AMPD3: variants seen among roughly 807,000 people sequenced by gnomAD.
AMPD3 encodes the protein adenosine monophosphate deaminase 3, also known as AMP deaminase 3.
In AMPD3, 57 loss-of-function variants were observed where a neutral mutation model predicts 82.3. The ratio of observed to expected loss-of-function variants is 0.69; its 90% CI spans 0.56 to 0.86. The LOEUF is 0.86. Among genes scored for constraint, AMPD3 ranks in the 40% least tolerant of loss-of-function variants. AMPD3 has a pLI of 0.00. For synonymous variants in AMPD3, 381 were observed against 394.7 expected (o/e 0.97, Z 0.41); for missense variants, 870 against 1,003.8 (o/e 0.87, Z 1.80).
intron 2 of AMPD3, among the ~76,000 whole-genome samples, chr11:10,473,979 G>T (rs1335901977): frequency 1.3e-5 from 2 of 152,240 alleles, no homozygotes; most frequent in Admixed American, 6.5e-5. Context: ...CTGAGTGTGC[G>T]TGGGGGAGGA....
At chr11:10,452,351 A>G (rs966429606), upstream of AMPD3, among the ~76,000 whole-genome samples, 2 of 152,062 alleles carry the variant, frequency 1.3e-5, no homozygotes, top group Admixed American at 6.5e-5. Context: ...TCCACCAAGT[A>G]TAATAATCTC....
chr11:10,487,553 GC>G (rs1849111172), intron 6 of AMPD3, among the ~76,000 whole-genome samples, 189 bp downstream of exon 6: 1 of 152,214 alleles, frequency 6.6e-6, no homozygotes, highest in Non-Finnish European at 1.5e-5. Context: ...TTTGTGTCAG[GC>G]TGGGCCTCAG....
Position 10,485,072 on chromosome 11 carries a change from G to A in AMPD3, c.809+33G>A, listed in dbSNP as rs565443637. Reference sequence around the variant, plus strand: ...AGCTTCTCCGCGGCTGCCTGTCTTTGCACAGGTGCTGTTCTGTAGGAAGGA... The same window carrying A: ...AGCTTCTCCGCGGCTGCCTGTCTTTACACAGGTGCTGTTCTGTAGGAAGGA... On this transcript the variant is annotated intron_variant, in intron 5 of 14. Transcript: ENST00000396553. 1.8e-5 allele frequency: 29 copies of A among 1,584,546 alleles called. No individual in the cohort carries two copies. In the African/African-American group the frequency reaches 3.5e-4, roughly 19 times the overall value.
chr11:10,469,277 G>A (rs866032085), intron 2 of AMPD3, among the ~76,000 whole-genome samples: 5 of 150,420 alleles, frequency 3.3e-5, no homozygotes, highest in South Asian at 4.2e-4. Flanking sequence ...AAAGAGAGAA[G>A]AATCAAATAG....
At chr11:10,491,258 G>C (rs1327645606) in intron 6 of AMPD3, among the ~76,000 whole-genome samples, 1 of 152,220 alleles carries the variant, frequency 6.6e-6, no homozygotes, top group Non-Finnish European at 1.5e-5. Context: ...CAGGGAGGGG[G>C]AGTCAGTTTA....
chr11:10,506,323 G>C lies in AMPD3; in HGVS notation c.*439G>C, dbSNP rs562114583. 3.0e-5 allele frequency: 6 copies of C among 199,616 alleles called. No homozygotes were observed. Among genetic ancestry groups the C allele is most frequent in the African/African-American group, 1.4e-4 (6 of 42,568 alleles). 12.4% of individuals were successfully genotyped at this position (199,616 alleles called of 1,614,324 possible). A position where few individuals can be genotyped will look rare whatever the true frequency, so the allele number is the denominator to read the frequency against. On this transcript the variant is annotated 3_prime_UTR_variant, in exon 15 of 15. Transcript: ENST00000396553. The surrounding 1 kb of genome is among the most constrained non-coding windows in gnomAD (Gnocchi z 4.1). Reference sequence around the variant, plus strand: ...TGCCTTAAACACAATCAATTTCAAAGCTCCATTTCATAAAGGGGCTACTTT... The same window carrying C: ...TGCCTTAAACACAATCAATTTCAAACCTCCATTTCATAAAGGGGCTACTTT...
chr11:10,487,472 C>CT, intron 6 of AMPD3, 108 bp downstream of exon 6: 1 of 1,533,924 alleles, frequency 6.5e-7, no homozygotes, highest in Non-Finnish European at 9.0e-7. Context: ...TTCAGGGCTC[C>CT]TTGCTAAGGG....
intron 7 of AMPD3, 142 bp from the exon 8 acceptor site, chr11:10,494,757 T>G: frequency 6.5e-7 from 1 of 1,549,476 alleles, no homozygotes. Flanking sequence ...GCTCAGGAGT[T>G]TCTAAGGTTT....
chr11:10,501,433 G>T (rs1849577627), intron 11 of AMPD3, 37 bp from the exon 12 acceptor site: 1 of 1,609,652 alleles, frequency 6.2e-7, no homozygotes, highest in South Asian at 1.1e-5. Flanking sequence ...GCCAACTGGG[G>T]GGGGCCTTCC....
chr11:10,505,042 C>G, intron 14 of AMPD3: 1 of 856,252 alleles, frequency 1.2e-6, no homozygotes, highest in Non-Finnish European at 1.4e-6. Context: ...ATTATATCCC[C>G]GGGCCCTAGA....
intron 10 of AMPD3, chr11:10,497,597 C>CG (rs760550681): frequency 1.8e-4 from 179 of 985,172 alleles, no homozygotes; most frequent in Non-Finnish European, 2.1e-4. Flanking sequence ...GGCTGGGGCA[C>CG]GGGGAAAGAA....
intron 1 of AMPD3, chr11:10,455,876 C>G (rs1453822639): frequency 3.1e-6 from 3 of 983,448 alleles, no homozygotes; most frequent in Non-Finnish European, 3.6e-6. Context: ...GACCAATCCC[C>G]TTGATAAAAT....
intron 6 of AMPD3, 118 bp downstream of exon 6, chr11:10,487,482 G>A: frequency 6.7e-7 from 1 of 1,484,916 alleles, no homozygotes. Context: ...CTTGCTAAGG[G>A]CGGCCTTCGT....
chr11:10,475,184 G>A (rs1331564969), intron 2 of AMPD3, among the ~76,000 whole-genome samples: 1 of 152,106 alleles, frequency 6.6e-6, no homozygotes, highest in Non-Finnish European at 1.5e-5. Context: ...CTTACATGGT[G>A]GGAGCAGGAG....
intron 2 of AMPD3, 168 bp from the exon 3 acceptor site, chr11:10,478,358 A>AC (rs1848801445): frequency 2.0e-6 from 2 of 984,340 alleles, no homozygotes; most frequent in South Asian, 9.4e-5. Context: ...TCTCAGGCAG[A>AC]CATGTGTAAG....
upstream of AMPD3, among the ~76,000 whole-genome samples, chr11:10,454,397 T>C (rs1432341447): frequency 1.3e-5 from 2 of 152,134 alleles, no homozygotes; most frequent in Non-Finnish European, 2.9e-5. Flanking sequence ...GGAGGGTGTT[T>C]CCCAAAGCCG....
chr11:10,464,246 G>T lies in AMPD3; in HGVS notation c.221+2506G>T, dbSNP rs139456735. Among the ~76,000 whole-genome samples, 704 of 152,266 alleles carry T rather than the reference G, an allele frequency of 4.6e-3. 6 individuals carry two copies. The highest frequency in any genetic ancestry group is 7.3e-3 in the Admixed American group (112 of 15,286). On this transcript the variant is annotated intron_variant, in intron 2 of 14. Transcript: ENST00000396553. ...CTCCTGCCATTGAATACTTACTATG[G>T]GCTAAGTACTAGCCTGTGTAGGTTG...
At chr11:10,466,383 G>A (rs1848422274) in intron 2 of AMPD3, among the ~76,000 whole-genome samples, 1 of 152,132 alleles carries the variant, frequency 6.6e-6, no homozygotes, top group African/African-American at 2.4e-5. Context: ...GCTGAGGCTT[G>A]AGTAGGAGGT....
At chr11:10,463,195 C>T (rs1487566068) in intron 2 of AMPD3, among the ~76,000 whole-genome samples, 11 of 152,126 alleles carry the variant, frequency 7.2e-5, no homozygotes, top group Non-Finnish European at 1.2e-4. Flanking sequence ...CAAGTCTTTT[C>T]CTTTCTTGGT....
Sources: allele counts gnomAD v4.1 joint callset (sites outside exome capture counted in the v4.1 genomes callset), GRCh38; gene constraint gnomAD v4.1.1; non-coding constraint Gnocchi (gnomAD v3.1); transcripts MANE v1.5; gene names NCBI Gene and HGNC (gene_info 2026-07-23, HGNC 2026-07-21).